The following KDM5B variants were observed in gnomAD, a reference collection of about 807,000 sequenced individuals.
KDM5B encodes the protein lysine demethylase 5B, also known as lysine-specific demethylase 5B.
Under a neutral mutation model 193.4 loss-of-function variants are expected in KDM5B, and 144 were observed. The ratio of observed to expected loss-of-function variants is 0.74; its 90% CI spans 0.65 to 0.86. KDM5B has a LOEUF of 0.86. KDM5B is among the 40% of genes least tolerant of loss of function. The probability of loss-of-function intolerance (pLI) is 0.00; values close to 1 mark genes in which losing one functional copy is unlikely to be tolerated. For missense variants in KDM5B, 1,833 were observed against 1,886.9 expected (o/e 0.97, Z 0.53); for synonymous variants, 668 against 682.6 (o/e 0.98, Z 0.33).
intron 1 of KDM5B, among the ~76,000 whole-genome samples, chr1:202,802,554 A>T (rs559006834): frequency 6.6e-6 from 1 of 151,988 alleles, no homozygotes; most frequent in East Asian, 1.9e-4. Flanking sequence ...CACCATGCCC[A>T]GCTAATTTTT....
chr1:202,786,415 C>T (rs867123728), intron 1 of KDM5B, among the ~76,000 whole-genome samples: 6 of 135,172 alleles, frequency 4.4e-5, no homozygotes, highest in African/African-American at 1.7e-4. Flanking sequence ...AGACAACACA[C>T]TGAGAGTAGA....
At chr1:202,797,431 T>C (rs1657893623) in intron 1 of KDM5B, among the ~76,000 whole-genome samples, 1 of 152,124 alleles carries the variant, frequency 6.6e-6, no homozygotes, top group African/African-American at 2.4e-5. Context: ...CCTGGTCTAG[T>C]CTCCCTGCTC....
At chr1:202,797,545 A>G (rs961785021) in intron 1 of KDM5B, among the ~76,000 whole-genome samples, 15 of 152,212 alleles carry the variant, frequency 9.9e-5, no homozygotes, top group African/African-American at 3.6e-4. Context: ...TTCTTAAAAG[A>G]TCTAGGTAAA....
In KDM5B at chr1:202,760,524, C is replaced by A. The variant is rs375853158; in HGVS notation, c.968G>T (p.Arg323Leu). ...LLCGSGNDED[R>L]LLLCDGCDDS... The stretch of plus-strand genomic sequence containing the variant: ...ATCACAGCCATCACACAACAGTAGC[C>A]GGTCTTCATCATTGCCACTGCCACA... Residue 323 changes from arginine to leucine, a missense_variant, in exon 8 of 27, where the codon CGG (arginine) becomes CTG (leucine). Physicochemically the swap from Arg to Leu is moderately radical, Grantham distance 102. Around this residue, in one of 3 missense-constraint regions of KDM5B, gnomAD observed 99 missense variants for 162.4 expected, o/e 0.61. Coordinates refer to ENST00000367265, the MANE Select transcript of KDM5B (RefSeq NM_006618.5). 6 of 1,613,006 alleles carry A rather than the reference C, an allele frequency of 3.7e-6. No individual in the cohort carries two copies. The East Asian group carries it at 1.1e-4, about 30-fold the overall frequency.
chr1:202,748,199 C>A, intron 14 of KDM5B, among the ~76,000 whole-genome samples: 1 of 152,014 alleles, frequency 6.6e-6, no homozygotes, highest in East Asian at 1.9e-4. Flanking sequence ...AACTAGATAT[C>A]CACATGCAAA....
At chr1:202,775,337 A>C (rs1656898487) in intron 2 of KDM5B, among the ~76,000 whole-genome samples, 3 of 151,574 alleles carry the variant, frequency 2.0e-5, no homozygotes, top group Non-Finnish European at 4.4e-5. Flanking sequence ...GGAGTTCGAG[A>C]CCAGCCTGGG....
intron 25 of KDM5B, 110 bp from the exon 26 acceptor site, chr1:202,730,137 C>T (rs1194156140): frequency 5.0e-6 from 5 of 993,864 alleles, no homozygotes; most frequent in Non-Finnish European, 7.2e-6. Context: ...CCCCAATCTA[C>T]ACGGGAAAAA....
At chr1:202,766,293 C>CAGGA (rs988648275) in intron 5 of KDM5B, 11 of 258,400 alleles carry the variant, frequency 4.3e-5, no homozygotes, top group African/African-American at 2.1e-4. Flanking sequence ...ATCACGAGGT[C>CAGGA]AGGAGATCGA....
intron 9 of KDM5B, 121 bp downstream of exon 9, chr1:202,758,270 A>C: frequency 1.5e-6 from 1 of 674,720 alleles, no homozygotes; most frequent in Non-Finnish European, 2.3e-6. Flanking sequence ...TTAAAGTTTC[A>C]TTCTGCTTTC....
At chr1:202,798,105 G>A (rs1294270821) in intron 1 of KDM5B, among the ~76,000 whole-genome samples, 1 of 152,136 alleles carries the variant, frequency 6.6e-6, no homozygotes, top group African/African-American at 2.4e-5. Context: ...AGGCTGAGGT[G>A]GAAGGATGAC....
intron 16 of KDM5B, 47 bp downstream of exon 16, chr1:202,745,811 A>G: frequency 1.2e-6 from 2 of 1,608,260 alleles, no homozygotes; most frequent in Middle Eastern, 1.7e-4. Context: ...CTACATCACA[A>G]TAAGCCCCAA....
At chr1:202,771,914 C>A (rs748506081) in intron 4 of KDM5B, among the ~76,000 whole-genome samples, 1 of 152,032 alleles carries the variant, frequency 6.6e-6, no homozygotes, top group South Asian at 2.1e-4. Context: ...CATCCATGGG[C>A]TCACTAAACA....
rs1195092116 is a variant in KDM5B at position 202,730,978 on chromosome 1, A to C, written c.4107T>G (p.Thr1369=). The change falls in exon 25 of 27, where the codon ACT becomes ACG. Residue 1369 remains threonine, a synonymous_variant. Transcript: ENST00000367265. ...SLPEIQELYQ[T]LLAKPSPAQQ... is the part of the protein sequence containing the mutation. ...GAGCAGGGCTTGGCTTTGCAAGTAA[A>C]GTCTGGTAAAGTTCCTGAATTTCAG... The C allele has an allele frequency of 6.2e-7, 1 of 1,613,898 alleles. No individual in the cohort carries two copies. Among genetic ancestry groups the C allele is most frequent in the East Asian group, 2.2e-5 (1 of 44,872 alleles).
chr1:202,767,388 G>A (rs1343618497), intron 4 of KDM5B: 38 of 1,488,922 alleles, frequency 2.6e-5, no homozygotes, highest in Middle Eastern at 4.7e-4. Flanking sequence ...GGACCACAGA[G>A]GCTGTGAACC....
chr1:202,767,098 T>A, intron 4 of KDM5B, 38 bp from the exon 5 acceptor site: 1 of 1,603,762 alleles, frequency 6.2e-7, no homozygotes, highest in Non-Finnish European at 8.5e-7. Flanking sequence ...TCCCTCCTTT[T>A]TTTTTTCACA....
chr1:202,777,169 A>T, intron 1 of KDM5B, 75 bp from the exon 2 acceptor site: 4 of 1,152,804 alleles, frequency 3.5e-6, no homozygotes, highest in Non-Finnish European at 5.2e-6. Context: ...TAAAATTAAA[A>T]CCCAGGTTAG....
intron 4 of KDM5B, among the ~76,000 whole-genome samples, chr1:202,771,258 GTCTCAT>G (rs1656703287): frequency 6.6e-6 from 1 of 152,144 alleles, no homozygotes; most frequent in Admixed American, 6.6e-5. Context: ...CTCATTCTGA[GTCTCAT>G]TCTGTCACCC....
intron 9 of KDM5B, among the ~76,000 whole-genome samples, chr1:202,756,783 CAT>C (rs1656028750): frequency 1.3e-5 from 2 of 152,276 alleles, no homozygotes; most frequent in African/African-American, 4.8e-5. Flanking sequence ...AAAAATGTAA[CAT>C]AAACTGTATA....
intron 4 of KDM5B, among the ~76,000 whole-genome samples, chr1:202,768,645 C>T (rs1350836196): frequency 1.3e-5 from 2 of 151,610 alleles, no homozygotes; most frequent in African/African-American, 4.8e-5. Context: ...TAATAGCGCT[C>T]TATAAATATT....
Sources: allele counts gnomAD v4.1 joint callset (sites outside exome capture counted in the v4.1 genomes callset), GRCh38; gene constraint gnomAD v4.1.1; regional missense constraint gnomAD v4.1.1; transcripts MANE v1.5; gene names NCBI Gene and HGNC (gene_info 2026-07-23, HGNC 2026-07-21).